Variants in SULT1E1 observed in about 807,000 individuals in gnomAD.
The protein encoded by SULT1E1 is sulfotransferase family 1E member 1.
A neutral mutation model predicts 33.6 loss-of-function variants in SULT1E1; 36 were observed. The ratio of observed to expected loss-of-function variants is 1.07; its 90% CI spans 0.82 to 1.41. SULT1E1 has a LOEUF of 1.41. SULT1E1 is among the 40% of genes most tolerant of loss of function. SULT1E1 has a pLI of 0.00. For missense variants in SULT1E1, 371 were observed against 345.7 expected, an observed-to-expected ratio of 1.07 and a Z score of -0.58; for synonymous variants, 121 against 111.7, an observed-to-expected ratio of 1.08 and a Z score of -0.53.
chr4:69,851,226 C>A (rs552246612), intron 4 of SULT1E1, among the ~76,000 whole-genome samples: 1 of 152,202 alleles, frequency 6.6e-6, no homozygotes, highest in South Asian at 2.1e-4. Context: ...ATCTACTTAT[C>A]TGACAAAGGT....
the SULT1E1 span, among the ~76,000 whole-genome samples, chr4:69,825,845 C>T: frequency 7.1e-4 from 108 of 152,334 alleles, no homozygotes; most frequent in African/African-American, 2.5e-3. Flanking sequence ...CAAACTTCCT[C>T]TTGCCTCTCT....
chr4:69,831,534 T>C, the SULT1E1 span, among the ~76,000 whole-genome samples: 1 of 152,348 alleles, frequency 6.6e-6, no homozygotes, highest in East Asian at 1.9e-4. Flanking sequence ...AGGGCTATTC[T>C]AATTCACAGA....
chr4:69,848,089 TGTGTG>T (rs976094494), intron 5 of SULT1E1, among the ~76,000 whole-genome samples: 145 of 12,984 alleles, frequency 0.011, 1 homozygote, highest in Non-Finnish European at 0.039. Flanking sequence ...TTGAAACTGG[TGTGTG>T]TGTGTGTGTG....
chr4:69,830,706 G>A, the SULT1E1 span, among the ~76,000 whole-genome samples: 1 of 152,164 alleles, frequency 6.6e-6, no homozygotes, highest in African/African-American at 2.4e-5. Flanking sequence ...CCACTGGAGG[G>A]CTGCCTGTGT....
chr4:69,839,742 G>A (rs1330557293), downstream of SULT1E1, among the ~76,000 whole-genome samples: 2 of 152,092 alleles, frequency 1.3e-5, no homozygotes, highest in African/African-American at 4.8e-5. Flanking sequence ...CAGTCCATAT[G>A]GACTGTAAGC....
At chr4:69,833,921 C>A in the SULT1E1 span, among the ~76,000 whole-genome samples, 1 of 152,164 alleles carries the variant, frequency 6.6e-6, no homozygotes, top group East Asian at 1.9e-4. Context: ...CCAATACTTT[C>A]TTTTTAATTG....
At chr4:69,853,474 C>G (rs1385097874) in intron 4 of SULT1E1, among the ~76,000 whole-genome samples, 1 of 152,108 alleles carries the variant, frequency 6.6e-6, no homozygotes, top group Non-Finnish European at 1.5e-5. Context: ...CCAAGCTGAA[C>G]TGATTTTAGA....
At position 69,841,311 on chromosome 4, in the gene SULT1E1, T is replaced by C. The variant is rs1238252804; in HGVS notation, c.*683A>G. 1 of 151,692 alleles carries C rather than the reference T, an allele frequency of 6.6e-6. No homozygotes were observed. The highest frequency in any genetic ancestry group is 2.4e-5 in the African/African-American group (1 of 41,258). 9.4% of individuals were successfully genotyped at this position (151,692 alleles called of 1,614,324 possible). ...AGGTTATAGTTGTGCATGATATTTATAAAAAATAGAAAAGAAGAAGAGGAA... is the reference window on the plus strand; with the variant it reads ...AGGTTATAGTTGTGCATGATATTTACAAAAAATAGAAAAGAAGAAGAGGAA... On this transcript the variant is annotated 3_prime_UTR_variant, in exon 8 of 8. Coordinates refer to ENST00000226444, the MANE Select transcript of SULT1E1 (RefSeq NM_005420.3).
chr4:69,846,750 T>C (rs1720985362), intron 6 of SULT1E1, among the ~76,000 whole-genome samples: 1 of 151,750 alleles, frequency 6.6e-6, no homozygotes, highest in Non-Finnish European at 1.5e-5. Flanking sequence ...TACTTTTCAC[T>C]GATTCACATT....
At position 69,854,307 on chromosome 4, in the gene SULT1E1, T is replaced by C; in HGVS notation, c.279A>G (p.Lys93=). The C allele has an allele frequency of 6.2e-7, 1 of 1,601,456 alleles. No individual in the cohort carries two copies. Among genetic ancestry groups the C allele is most frequent in the East Asian group, 2.2e-5 (1 of 44,648 alleles). Residue 93 remains lysine, a synonymous_variant, in exon 4 of 8, where the codon AAA becomes AAG. Coordinates refer to ENST00000226444, the MANE Select transcript of SULT1E1 (RefSeq NM_005420.3). ...CRKENLMNGV[K]QLDEMNSPRI... is the part of the protein sequence containing the mutation. The stretch of plus-strand genomic sequence containing the variant: ...TAGGAGAATTCATCTCATCTAATTG[T>C]TTTACTCCTGATTTTTAAAAAAGTA...
chr4:69,854,199 A>T lies in SULT1E1; in HGVS notation c.369+18T>A. On this transcript the variant is annotated intron_variant, in intron 4 of 7. Transcript: ENST00000226444. ...CTTGGAATTGGATGAAGTTTTGAGA[A>T]CACTTGACTCTGGTTACCTTACAAT... The T allele has an allele frequency of 6.3e-7, 1 of 1,592,508 alleles. No homozygotes were observed. Among genetic ancestry groups the T allele is most frequent in the East Asian group, 2.2e-5 (1 of 44,638 alleles).
the SULT1E1 span, among the ~76,000 whole-genome samples, chr4:69,824,704 G>T: frequency 6.6e-6 from 1 of 151,964 alleles, no homozygotes; most frequent in African/African-American, 2.4e-5. Flanking sequence ...ACTCTGTAAA[G>T]CACACTAATC....
chr4:69,851,328 C>T (rs1355300606), intron 4 of SULT1E1, among the ~76,000 whole-genome samples: 1 of 152,166 alleles, frequency 6.6e-6, no homozygotes. Flanking sequence ...TGAACAGACA[C>T]TTCTCAAGAG....
chr4:69,848,588 A>C (rs1721030660), intron 5 of SULT1E1, among the ~76,000 whole-genome samples: 1 of 151,840 alleles, frequency 6.6e-6, no homozygotes, highest in Admixed American at 6.6e-5. Context: ...AGTGATGCAA[A>C]ATTATATTTC....
the SULT1E1 span, among the ~76,000 whole-genome samples, chr4:69,835,733 C>T: frequency 6.6e-6 from 1 of 152,082 alleles, no homozygotes; most frequent in Non-Finnish European, 1.5e-5. Flanking sequence ...TGTTCAGTTA[C>T]CAAATACGTA....
chr4:69,853,631 T>C (rs1721171603), intron 4 of SULT1E1, among the ~76,000 whole-genome samples: 1 of 152,160 alleles, frequency 6.6e-6, no homozygotes, highest in African/African-American at 2.4e-5. Flanking sequence ...TTTTGTCTTG[T>C]CTGTTAACCT....
the SULT1E1 span, among the ~76,000 whole-genome samples, chr4:69,829,809 A>C: frequency 6.6e-6 from 1 of 152,292 alleles, no homozygotes; most frequent in African/African-American, 2.4e-5. Context: ...TGGCCCTATA[A>C]GTCAGGTCAC....
chr4:69,852,062 A>G (rs1041530530), intron 4 of SULT1E1, among the ~76,000 whole-genome samples: 1 of 152,168 alleles, frequency 6.6e-6, no homozygotes, highest in Non-Finnish European at 1.5e-5. Flanking sequence ...AACATGGCAC[A>G]TGTATACATA....
At chr4:69,840,513 T>C (rs1720861865), downstream of SULT1E1, among the ~76,000 whole-genome samples, 1 of 152,238 alleles carries the variant, frequency 6.6e-6, no homozygotes, top group Admixed American at 6.5e-5. Flanking sequence ...TTCTTTTTTC[T>C]TCTGTTTTTG....
Sources: allele counts gnomAD v4.1 joint callset (sites outside exome capture counted in the v4.1 genomes callset), GRCh38; gene constraint gnomAD v4.1.1; transcripts MANE v1.5; gene names NCBI Gene and HGNC (gene_info 2026-07-23, HGNC 2026-07-21).